CCDC178: variants seen among roughly 807,000 people sequenced by gnomAD.
CCDC178 encodes coiled-coil domain containing 178, also known as coiled-coil domain-containing protein 178.
Under a neutral mutation model 117.4 loss-of-function variants are expected in CCDC178, and 126 were observed. The ratio of observed to expected loss-of-function variants is 1.07; its 90% CI spans 0.93 to 1.24. The LOEUF is 1.24. CCDC178 is among the 50% of genes most tolerant of loss of function. The pLI, the probability that CCDC178 is intolerant of heterozygous loss-of-function variation, is 0.00. For synonymous variants in CCDC178, 283 were observed against 313.4 expected (o/e 0.90, Z 1.02); for missense variants, 1,030 against 986.9 (o/e 1.04, Z -0.59).
intron 11 of CCDC178, among the ~76,000 whole-genome samples, chr18:33,312,927 G>A (rs2144959835): frequency 6.6e-6 from 1 of 152,286 alleles, no homozygotes; most frequent in African/African-American, 2.4e-5. Flanking sequence ...CAGTGGGCCA[G>A]ACCTTAAAAG....
intron 21 of CCDC178, among the ~76,000 whole-genome samples, chr18:33,064,247 T>C (rs1319087612): frequency 6.6e-6 from 1 of 152,098 alleles, no homozygotes; most frequent in East Asian, 1.9e-4. Flanking sequence ...AAAACAATAA[T>C]GTCAAAGAAA....
chr18:33,107,708 T>C (rs1394013647), intron 20 of CCDC178, among the ~76,000 whole-genome samples: 1 of 151,734 alleles, frequency 6.6e-6, no homozygotes, highest in Non-Finnish European at 1.5e-5. Context: ...TTATTTCTTA[T>C]AATTTGCTAT....
intron 20 of CCDC178, among the ~76,000 whole-genome samples, chr18:33,159,389 A>G (rs1791310874): frequency 1.3e-5 from 2 of 152,148 alleles, no homozygotes; most frequent in Admixed American, 1.3e-4. Flanking sequence ...GCTCCAATCA[A>G]TACAAATGTA....
At chr18:33,128,353 A>G (rs993904359) in intron 20 of CCDC178, among the ~76,000 whole-genome samples, 10 of 152,220 alleles carry the variant, frequency 6.6e-5, no homozygotes, top group South Asian at 2.1e-4. Flanking sequence ...TAAGAGTTAC[A>G]GACCCTTTAG....
At chr18:33,166,202 C>A (rs2144402279) in intron 20 of CCDC178, among the ~76,000 whole-genome samples, 1 of 152,246 alleles carries the variant, frequency 6.6e-6, no homozygotes, top group Admixed American at 6.5e-5. Flanking sequence ...GCTTATAGAT[C>A]ACACTTTAGG....
intron 20 of CCDC178, among the ~76,000 whole-genome samples, chr18:33,156,002 T>TA (rs200372884): frequency 0.054 from 6,993 of 129,850 alleles, 248 homozygotes; most frequent in East Asian, 0.12. Flanking sequence ...AAATCTTTAG[T>TA]AAAAAAAAAA....
chr18:33,111,574 C>A (rs935700468), intron 20 of CCDC178, among the ~76,000 whole-genome samples: 1 of 151,806 alleles, frequency 6.6e-6, no homozygotes, highest in Middle Eastern at 3.4e-3. Context: ...CCCTACCCAA[C>A]ATTGCAAGTT....
chr18:33,111,767 G>A (rs991016943), intron 20 of CCDC178, among the ~76,000 whole-genome samples: 7 of 151,618 alleles, frequency 4.6e-5, no homozygotes, highest in Admixed American at 1.3e-4. Context: ...AATCTGCTCC[G>A]TCTGCCTAAC....
intron 16 of CCDC178, among the ~76,000 whole-genome samples, chr18:33,226,465 G>A (rs2059304120): frequency 6.6e-6 from 1 of 152,128 alleles, no homozygotes; most frequent in South Asian, 2.1e-4. Context: ...CCAAGTGAAA[G>A]ACACTAACAG....
Position 33,297,207 on chromosome 18 carries a change from T to A in CCDC178, c.1023-3895A>T, listed in dbSNP as rs1490393314. On this transcript the variant is annotated intron_variant, in intron 11 of 22. Coordinates refer to ENST00000383096, the MANE Select transcript of CCDC178 (RefSeq NM_001105528.4). ...TAAAAAGAAGTATTAAGAAGCAAGTTTATAGCAGTAAATGACTATAGCAAA... is the reference window on the plus strand; with the variant it reads ...TAAAAAGAAGTATTAAGAAGCAAGTATATAGCAGTAAATGACTATAGCAAA... Among the ~76,000 whole-genome samples the A allele has an allele frequency of 2.0e-5, 3 of 152,138 alleles. No individual in the cohort carries two copies. The East Asian group carries it at 5.8e-4, about 29-fold the overall frequency.
intron 14 of CCDC178, among the ~76,000 whole-genome samples, chr18:33,257,266 A>G (rs1035737376): frequency 2.6e-5 from 4 of 152,218 alleles, no homozygotes; most frequent in Admixed American, 1.3e-4. Context: ...AAGAGGCCAG[A>G]CTGGGAATGT....
At position 33,359,244 on chromosome 18, in the gene CCDC178, T is replaced by A. The variant is rs1036344950; in HGVS notation, c.349-2898A>T. Among the ~76,000 whole-genome samples the A allele has an allele frequency of 2.4e-4, 37 of 151,956 alleles. 1 individual carries two copies. Among genetic ancestry groups the A allele is most frequent in the Non-Finnish European group, 4.7e-4 (32 of 67,796 alleles). Reference sequence around the variant, plus strand: ...ATCTTTATAGCTCAATAGAAAATCATTTATTTTATAAAGATAAAACATTAT... The same window carrying A: ...ATCTTTATAGCTCAATAGAAAATCAATTATTTTATAAAGATAAAACATTAT... On this transcript the variant is annotated intron_variant, in intron 6 of 22. Transcript: ENST00000383096.
intron 20 of CCDC178, among the ~76,000 whole-genome samples, chr18:33,119,593 C>T (rs1057393237): frequency 6.6e-5 from 10 of 152,060 alleles, no homozygotes; most frequent in African/African-American, 1.4e-4. Context: ...GGTGGGACTG[C>T]AAACTAGTTC....
intron 21 of CCDC178, 67 bp from the exon 22 acceptor site, chr18:32,974,748 A>C (rs1187294193): frequency 6.7e-7 from 1 of 1,495,460 alleles, no homozygotes. Flanking sequence ...GCAGTGTTCA[A>C]GAAGAATGAT....
chr18:33,293,211 G>T lies in CCDC178; in HGVS notation c.1124C>A (p.Ala375Glu). The change falls in exon 12 of 23, where the codon GCA (alanine) becomes GAA (glutamate). Residue 375 changes from alanine to glutamate, a missense_variant. Transcript: ENST00000383096. ...TTTTGATGACTTTGTTTCCCTTATT[G>T]CTTCAGTCACTTCCTCTTCCTTCTC... is the stretch of plus-strand genomic sequence containing the variant. ...IEEKEEEVTE[A>E]IRETKSSKNE... The T allele has an allele frequency of 6.3e-7, 1 of 1,596,298 alleles. No homozygotes were observed. The highest frequency in any genetic ancestry group is 8.6e-7 in the Non-Finnish European group (1 of 1,166,986).
intron 12 of CCDC178, among the ~76,000 whole-genome samples, chr18:33,288,923 CA>C (rs1020764442): frequency 7.2e-5 from 11 of 152,074 alleles, no homozygotes; most frequent in Non-Finnish European, 1.3e-4. Flanking sequence ...AGTATAGAGT[CA>C]GAGGGAAAGT....
chr18:32,983,203 C>A, intron 21 of CCDC178: 1 of 813,094 alleles, frequency 1.2e-6, no homozygotes, highest in Non-Finnish European at 2.0e-6. Context: ...ATGGTGGTGA[C>A]AATGTGTGAC....
chr18:33,043,271 A>G (rs1332816956), intron 21 of CCDC178, among the ~76,000 whole-genome samples: 1 of 152,108 alleles, frequency 6.6e-6, no homozygotes, highest in South Asian at 2.1e-4. Context: ...ACTAATACTG[A>G]AGAAACTGTC....
At chr18:33,192,457 G>A (rs1184233770) in intron 20 of CCDC178, among the ~76,000 whole-genome samples, 2 of 152,166 alleles carry the variant, frequency 1.3e-5, no homozygotes, top group East Asian at 3.9e-4. Context: ...AATACATGAT[G>A]TGGACATTAA....
Sources: allele counts gnomAD v4.1 joint callset (sites outside exome capture counted in the v4.1 genomes callset), GRCh38; gene constraint gnomAD v4.1.1; transcripts MANE v1.5; gene names NCBI Gene and HGNC (gene_info 2026-07-23, HGNC 2026-07-21).